The following THADA variants were observed in gnomAD, a reference collection of about 807,000 sequenced individuals.
THADA encodes tRNA (32-2'-O)-methyltransferase regulator THADA.
THADA carries 213 observed loss-of-function variants against 219.8 expected under a neutral mutation model. The ratio of observed to expected loss-of-function variants is 0.97; its 90% confidence interval spans 0.87 to 1.09. The LOEUF is 1.09. Among genes scored for constraint, THADA ranks in the 50% least tolerant of loss-of-function variants. The probability of loss-of-function intolerance (pLI) is 0.00; values close to 1 mark genes in which losing one functional copy is unlikely to be tolerated. For missense variants in THADA, 2,956 were observed against 2,311.3 expected (o/e 1.28, Z -5.72); for synonymous variants, 1,018 against 828.9 (o/e 1.23, Z -3.92).
chr2:43,489,874 C>CAAAAAAAAAAAAAAAAAAAAAAAAAAA lies in THADA; in HGVS notation c.3745-4550_3745-4549insTTTTTTTTTTTTTTTTTTTTTTTTTTT, dbSNP rs201735523. On this transcript the variant is annotated intron_variant, in intron 25 of 37. Coordinates refer to ENST00000405975, the MANE Select transcript of THADA (RefSeq NM_022065.5). ...ATTTCCATATGTATTTTAAGATCTG[C>CAAAAAAAAAAAAAAAAAAAAAAAAAAA]AAAAAAAAAAAAAAAAAAAAGCTAG... is the stretch of plus-strand genomic sequence containing the variant. Among the ~76,000 whole-genome samples, 37 of 56,054 alleles carry CAAAAAAAAAAAAAAAAAAAAAAAAAAA rather than the reference C, an allele frequency of 6.6e-4. 2 individuals are homozygous for CAAAAAAAAAAAAAAAAAAAAAAAAAAA. Among genetic ancestry groups the CAAAAAAAAAAAAAAAAAAAAAAAAAAA allele is most frequent in the African/African-American group, 1.2e-3 (18 of 15,014 alleles). 36.8% of individuals were successfully genotyped at this position (56,054 alleles called of 152,430 possible).
intron 4 of THADA, among the ~76,000 whole-genome samples, chr2:43,588,060 T>TA (rs1574388927): frequency 2.6e-5 from 4 of 152,150 alleles, no homozygotes; most frequent in Admixed American, 2.0e-4. Flanking sequence ...TATCAAACTA[T>TA]AGTAAATAAA....
chr2:43,442,669 T>A (rs963853258), intron 26 of THADA, among the ~76,000 whole-genome samples: 2 of 152,150 alleles, frequency 1.3e-5, no homozygotes, highest in African/African-American at 4.8e-5. Flanking sequence ...CTTTGACAGT[T>A]TCTGAACAGG....
At chr2:43,456,407 T>G (rs1329143074) in intron 26 of THADA, among the ~76,000 whole-genome samples, 1 of 152,176 alleles carries the variant, frequency 6.6e-6, no homozygotes, top group African/African-American at 2.4e-5. Flanking sequence ...CACAGATTAT[T>G]TATTCTGTGG....
intron 36 of THADA, among the ~76,000 whole-genome samples, chr2:43,259,453 G>T (rs774521203): frequency 6.6e-6 from 1 of 152,232 alleles, no homozygotes; most frequent in Admixed American, 6.5e-5. Context: ...GCCAGTTCAC[G>T]CATTTATGCT....
Position 43,560,260 on chromosome 2 carries a change from A to G in THADA, c.2437T>C (p.Leu813=). 6.2e-7 allele frequency: 1 copy of G among 1,612,210 alleles called. No homozygotes were observed. Among genetic ancestry groups the G allele is most frequent in the Non-Finnish European group, 8.5e-7 (1 of 1,179,218 alleles). ...KILAFDLLMK[L]SKTAVHFQDS... Reference sequence around the variant, plus strand: ...TGAAAATGTACAGCTGTTTTTGATAACTTCATCAGAAGATCAAATGCTAAA... The same window carrying G: ...TGAAAATGTACAGCTGTTTTTGATAGCTTCATCAGAAGATCAAATGCTAAA... The change falls in exon 16 of 38, where the codon TTA becomes CTA. Residue 813 remains leucine, a synonymous_variant. Coordinates refer to ENST00000405975, the MANE Select transcript of THADA (RefSeq NM_022065.5).
intron 1 of THADA, among the ~76,000 whole-genome samples, chr2:43,594,183 A>C (rs1701895314): frequency 6.6e-6 from 1 of 152,206 alleles, no homozygotes; most frequent in Non-Finnish European, 1.5e-5. Context: ...CATTCTGTTT[A>C]CAATCATCAA....
At chr2:43,480,755 T>A (rs532438021) in intron 26 of THADA, among the ~76,000 whole-genome samples, 2 of 151,048 alleles carry the variant, frequency 1.3e-5, no homozygotes, top group Admixed American at 1.3e-4. Flanking sequence ...GAGGCAGAGG[T>A]TGCAGTGAGT....
At position 43,556,406 on chromosome 2, in the gene THADA, C is replaced by G; in HGVS notation, c.2613G>C (p.Gln871His). 1 of 1,613,886 alleles carries G rather than the reference C, an allele frequency of 6.2e-7. No homozygotes were observed. ...TATCTCCATTATCACATGCAACTTG[C>G]TGAGTTAAGTAGGCAGACAAGGATG... is the stretch of plus-strand genomic sequence containing the variant. ...LPSSLSAYLT[Q>H]QVACDNGDRP... The change falls in exon 17 of 38, where the codon CAG becomes CAC. Residue 871 changes from glutamine to histidine, a missense_variant. Transcript: ENST00000405975.
intron 31 of THADA, among the ~76,000 whole-genome samples, chr2:43,310,226 G>GTTT (rs1558560144): frequency 0.11 from 6,044 of 54,068 alleles, 509 homozygotes; most frequent in African/African-American, 0.26. Context: ...TCCCTTTCCC[G>GTTT]CCCCCCCCCC....
intron 30 of THADA, among the ~76,000 whole-genome samples, chr2:43,329,344 G>C (rs1375041124): frequency 6.6e-6 from 1 of 152,086 alleles, no homozygotes; most frequent in Non-Finnish European, 1.5e-5. Context: ...GCATAAAAAA[G>C]GATAAATAGG....
chr2:43,296,794 C>A (rs1675444118), intron 31 of THADA, among the ~76,000 whole-genome samples: 1 of 152,196 alleles, frequency 6.6e-6, no homozygotes, highest in Non-Finnish European at 1.5e-5. Context: ...TTATTTGGCA[C>A]AGTCAGAAAT....
intron 15 of THADA, chr2:43,565,535 C>G (rs1698564997): frequency 6.6e-6 from 1 of 151,422 alleles, no homozygotes; most frequent in Non-Finnish European, 1.5e-5. Flanking sequence ...AGAATAAAAA[C>G]TTTTAAAAAC....
intron 25 of THADA, 111 bp downstream of exon 25, chr2:43,498,722 T>C (rs984134235): frequency 5.1e-6 from 6 of 1,184,254 alleles, no homozygotes; most frequent in Non-Finnish European, 5.7e-6. Context: ...TCTAAGAAAA[T>C]TCATGGTAAA....
Position 43,271,700 on chromosome 2 carries a change from C to T in THADA, c.5296+8065G>A, listed in dbSNP as rs562452148. ...TGCAATCTCAGCTCACTGCAACCTC[C>T]ACCTCCTGGGTTCAAGCGATTCTCC... is the stretch of plus-strand genomic sequence containing the variant. On this transcript the variant is annotated intron_variant, in intron 36 of 37. Transcript: ENST00000405975. 6.6e-5 allele frequency among the ~76,000 whole-genome samples: 10 copies of T among 151,422 alleles called. No homozygotes were observed. In the East Asian group the frequency reaches 1.9e-3, roughly 29 times the overall value.
At chr2:43,576,941 A>T in intron 10 of THADA, 81 bp downstream of exon 10, 1 of 1,291,520 alleles carries the variant, frequency 7.7e-7, no homozygotes, top group Non-Finnish European at 1.1e-6. Context: ...TTAGAGGCAC[A>T]AGCCACTCCA....
chr2:43,482,545 C>A (rs985666868), intron 26 of THADA, among the ~76,000 whole-genome samples: 1 of 152,168 alleles, frequency 6.6e-6, no homozygotes, highest in East Asian at 1.9e-4. Flanking sequence ...GAGAGGTTGG[C>A]TATTTTGTCT....
At chr2:43,424,404 A>C (rs994479270) in intron 28 of THADA, among the ~76,000 whole-genome samples, 2 of 151,972 alleles carry the variant, frequency 1.3e-5, no homozygotes, top group African/African-American at 4.8e-5. Flanking sequence ...CCTGATGAAA[A>C]CCCTTCCAAG....
At chr2:43,569,443 G>C (rs893622397) in intron 14 of THADA, among the ~76,000 whole-genome samples, 1 of 152,178 alleles carries the variant, frequency 6.6e-6, no homozygotes, top group Non-Finnish European at 1.5e-5. Flanking sequence ...TAGTTGACGA[G>C]ACTCAAGTCA....
At chr2:43,474,008 G>C (rs1038699604) in intron 26 of THADA, among the ~76,000 whole-genome samples, 1 of 152,124 alleles carries the variant, frequency 6.6e-6, no homozygotes, top group African/African-American at 2.4e-5. Context: ...GACATCATAG[G>C]GGATAGGAAT....
Sources: allele counts gnomAD v4.1 joint callset (sites outside exome capture counted in the v4.1 genomes callset), GRCh38; gene constraint gnomAD v4.1.1; transcripts MANE v1.5; gene names NCBI Gene and HGNC (gene_info 2026-07-23, HGNC 2026-07-21).